IL16: variants seen among roughly 807,000 people sequenced by gnomAD.
IL16 encodes interleukin 16.
In IL16, 67 loss-of-function variants were observed where a neutral mutation model predicts 110.1. That is an observed-to-expected ratio of 0.61 (90% confidence interval 0.50 to 0.75). The LOEUF (loss-of-function observed/expected upper bound fraction) is 0.75. Among genes scored for constraint, IL16 ranks in the 30% least tolerant of loss-of-function variants. The probability of loss-of-function intolerance (pLI) is 0.00; values close to 1 mark genes in which losing one functional copy is unlikely to be tolerated. For synonymous variants in IL16, 689 were observed against 662.9 expected (o/e 1.04, Z -0.61); for missense variants, 1,545 against 1,655.0 (o/e 0.93, Z 1.15).
intron 2 of IL16, among the ~76,000 whole-genome samples, chr15:81,238,591 C>G (rs1897248776): frequency 6.6e-6 from 1 of 151,242 alleles, no homozygotes; most frequent in South Asian, 2.1e-4. Flanking sequence ...AGTACTTTCT[C>G]TATATCTATT....
Position 81,273,134 on chromosome 15 carries a change from C to A in IL16, c.720C>A (p.Gly240=). 1 of 1,613,738 alleles carries A rather than the reference C, an allele frequency of 6.2e-7. No individual in the cohort carries two copies. Among genetic ancestry groups the A allele is most frequent in the Non-Finnish European group, 8.5e-7 (1 of 1,179,758 alleles). ...TTGGGGGAAAAGACAGCATTTATGG[C>A]CCCATTGGGATTTACGTCAAAACCA... ...SIVGGKDSIY[G]PIGIYVKTIF... Residue 240 remains glycine (G), a synonymous_variant, in exon 6 of 19, where the codon GGC becomes GGA. Coordinates refer to ENST00000683961, the MANE Select transcript of IL16 (RefSeq NM_172217.5).
At chr15:81,206,322 T>C (rs1407793935) in intron 1 of IL16, among the ~76,000 whole-genome samples, 2 of 152,230 alleles carry the variant, frequency 1.3e-5, no homozygotes, top group Non-Finnish European at 2.9e-5. Context: ...CAGCATGTTA[T>C]TGTAGGCATT....
intron 2 of IL16, among the ~76,000 whole-genome samples, chr15:81,240,469 C>T (rs1486078471): frequency 6.6e-6 from 1 of 151,856 alleles, no homozygotes; most frequent in African/African-American, 2.4e-5. Flanking sequence ...TCTACCCTTC[C>T]ATCAGCAGGT....
In IL16 at chr15:81,314,025, T is replaced by C. The variant is rs574133045; in HGVS notation, c.*5227T>C. The C allele has an allele frequency of 2.0e-5, 3 of 152,262 alleles. No homozygotes were observed. The highest frequency in any genetic ancestry group is 6.5e-5 in the Admixed American group (1 of 15,302). 9.4% of individuals were successfully genotyped at this position (152,262 alleles called of 1,614,324 possible). A position where few individuals can be genotyped will look rare whatever the true frequency, so the allele number is the denominator to read the frequency against. ...CACAGTATTTTTTGTTTTAAAAAAA[T>C]AGTTTTTTAAAATAAAAATGTTATC... On this transcript the variant is annotated 3_prime_UTR_variant, in exon 19 of 19. Transcript: ENST00000683961.
rs372001575 is a variant in IL16, at chr15:81,297,020, C to T, written c.1995C>T (p.Ile665=). Residue 665 remains isoleucine, a synonymous_variant, in exon 13 of 19, where the codon ATC becomes ATT. Coordinates refer to ENST00000683961, the MANE Select transcript of IL16 (RefSeq NM_172217.5). ...SASAGCPGPG[I]GPQTKSSTEG... ...CTGCCGGCTGCCCAGGACCTGGTATCGGCCCACAGACCAAGTCCTCCACAG... is the reference window on the plus strand; with the variant it reads ...CTGCCGGCTGCCCAGGACCTGGTATTGGCCCACAGACCAAGTCCTCCACAG... 60 of 1,613,964 alleles carry T rather than the reference C, an allele frequency of 3.7e-5. No individual in the cohort carries two copies. The highest frequency in any genetic ancestry group is 1.9e-4 in the South Asian group (17 of 91,078).
At chr15:81,206,793 T>A (rs1442570940) in intron 1 of IL16, among the ~76,000 whole-genome samples, 2 of 152,138 alleles carry the variant, frequency 1.3e-5, no homozygotes, top group African/African-American at 4.8e-5. Context: ...AAAATAACAT[T>A]TAGAATATTG....
chr15:81,262,435 T>C (rs1898194271), intron 3 of IL16, among the ~76,000 whole-genome samples: 1 of 152,206 alleles, frequency 6.6e-6, no homozygotes, highest in African/African-American at 2.4e-5. Flanking sequence ...AAATTTACTG[T>C]ATTATCTGTA....
chr15:81,273,026 G>A, intron 5 of IL16, 64 bp from the exon 6 acceptor site: 1 of 1,294,204 alleles, frequency 7.7e-7, no homozygotes, highest in Non-Finnish European at 1.1e-6. Flanking sequence ...CCCTCAGAAG[G>A]CATCAGGCCA....
chr15:81,270,898 C>T (rs1203081043), intron 5 of IL16, among the ~76,000 whole-genome samples: 1 of 152,162 alleles, frequency 6.6e-6, no homozygotes, highest in Non-Finnish European at 1.5e-5. Context: ...ATAAAGCAGG[C>T]TTCCCACTAT....
intron 1 of IL16, among the ~76,000 whole-genome samples, chr15:81,212,439 TTTTTTAATTTTTAAAAA>T (rs1239149096): frequency 6.6e-6 from 1 of 152,056 alleles, no homozygotes; most frequent in Admixed American, 6.6e-5. Context: ...AGTCAAGATT[TTTTTTAATTTTTAAAAA>T]TTTTTAAAAA....
At chr15:81,268,889 C>T (rs1168241250) in intron 4 of IL16, among the ~76,000 whole-genome samples, 1 of 152,218 alleles carries the variant, frequency 6.6e-6, no homozygotes, top group Non-Finnish European at 1.5e-5. Context: ...AGGGCTAAGT[C>T]ACTAAGCTAA....
Position 81,218,931 on chromosome 15 carries a change from C to A in IL16, c.-101-6368C>A, listed in dbSNP as rs1164169601. On this transcript the variant is annotated intron_variant, in intron 1 of 18. Transcript: ENST00000683961. ...CCTCTTTTACTGTTTTTTTGAGTAA[C>A]AATTTTTTTTTTTTTAGTCCATACT... Among the ~76,000 whole-genome samples, 3 of 142,440 alleles carry A rather than the reference C, an allele frequency of 2.1e-5. No homozygotes were observed. The East Asian group carries it at 7.2e-4, about 34-fold the overall frequency. 93.4% of individuals were successfully genotyped at this position (142,440 alleles called of 152,430 possible).
chr15:81,244,834 A>G (rs898507109), intron 2 of IL16, among the ~76,000 whole-genome samples: 3 of 151,990 alleles, frequency 2.0e-5, no homozygotes, highest in Non-Finnish European at 4.4e-5. Flanking sequence ...AGTATCACAG[A>G]TCCCTGAGGC....
At chr15:81,297,834 C>G (rs1900066675) in intron 13 of IL16, among the ~76,000 whole-genome samples, 3 of 151,856 alleles carry the variant, frequency 2.0e-5, no homozygotes, top group Admixed American at 2.0e-4. Flanking sequence ...GTCCTGCCTC[C>G]AAGGAGCAAC....
chr15:81,197,525 A>C (rs1895640416), intron 1 of IL16, among the ~76,000 whole-genome samples: 1 of 152,060 alleles, frequency 6.6e-6, no homozygotes, highest in Non-Finnish European at 1.5e-5. Context: ...AGGAGAGAGA[A>C]AGGCCACGGG....
chr15:81,189,731 A>C (rs938003337), intron 1 of IL16, among the ~76,000 whole-genome samples: 2 of 152,210 alleles, frequency 1.3e-5, no homozygotes, highest in African/African-American at 4.8e-5. Flanking sequence ...GAGTGTGCTG[A>C]CATGTGGAGG....
chr15:81,258,693 T>A lies in IL16; in HGVS notation c.313-1079T>A, dbSNP rs1233231021. ...CCAGCCAGACAACAGAGCACCACCC[T>A]GTCCTGACCTGCTCTCTCTCTGTCA... is the stretch of plus-strand genomic sequence containing the variant. On this transcript the variant is annotated intron_variant, in intron 2 of 18. Transcript: ENST00000683961. Among the ~76,000 whole-genome samples, 3 of 152,192 alleles carry A rather than the reference T, an allele frequency of 2.0e-5. No homozygotes were observed. In the East Asian group the frequency reaches 5.8e-4, roughly 29 times the overall value.
At chr15:81,244,868 A>G (rs992884538) in intron 2 of IL16, among the ~76,000 whole-genome samples, 12 of 151,618 alleles carry the variant, frequency 7.9e-5, no homozygotes, top group Non-Finnish European at 1.6e-4. Context: ...TTCCCAGTCT[A>G]TTTTTCTCTG....
At chr15:81,239,764 G>A (rs1897285600) in intron 2 of IL16, among the ~76,000 whole-genome samples, 1 of 144,522 alleles carries the variant, frequency 6.9e-6, no homozygotes, top group Admixed American at 6.9e-5. Flanking sequence ...GGCGAGAACA[G>A]GCTTGTCTTT....
Sources: gnomAD v4.1 joint callset for allele counts (sites outside exome capture counted in the v4.1 genomes callset) on GRCh38, gnomAD v4.1.1 for gene constraint, MANE v1.5 for transcripts, NCBI Gene and HGNC (gene_info 2026-07-23, HGNC 2026-07-21) for gene names.